ZMAT4: variants seen among roughly 807,000 people sequenced by gnomAD.
ZMAT4 encodes the protein zinc finger matrin-type protein 4.
ZMAT4 carries 17 observed loss-of-function variants against 28.7 expected under a neutral mutation model. The observed-to-expected ratio is 0.59, with a 90% confidence interval of 0.41 to 0.89. The LOEUF is 0.89. Among genes scored for constraint, ZMAT4 ranks in the 40% least tolerant of loss-of-function variants. ZMAT4 has a pLI of 0.00. For synonymous variants in ZMAT4, 117 were observed against 109.2 expected (o/e 1.07, Z -0.44); for missense variants, 240 against 283.8 (o/e 0.85, Z 1.11).
intron 5 of ZMAT4, among the ~76,000 whole-genome samples, chr8:40,661,198 T>G (rs149890003): frequency 0.017 from 2,525 of 152,274 alleles, 54 homozygotes; most frequent in African/African-American, 0.058. Context: ...CCTCCCAGGT[T>G]CAAGCGATTC....
intron 1 of ZMAT4, among the ~76,000 whole-genome samples, chr8:40,839,220 G>A (rs894952146): frequency 3.3e-5 from 5 of 152,318 alleles, no homozygotes; most frequent in Admixed American, 2.0e-4. Flanking sequence ...GTGCAGAGAT[G>A]CCTAAAAAGA....
rs559011047 is a variant in ZMAT4 at position 40,582,690 on chromosome 8, C to T, written c.578-1429G>A. 5.3e-4 allele frequency among the ~76,000 whole-genome samples: 80 copies of T among 152,306 alleles called. 1 individual carries two copies. Among genetic ancestry groups the T allele is most frequent in the South Asian group, 2.9e-3 (14 of 4,826 alleles). ...GCTGGGATAGCTTTGCAACTTGCTA[C>T]CTGGGTAACTTTATGCAAATTATTT... On this transcript the variant is annotated intron_variant, in intron 5 of 6. Transcript: ENST00000297737.
intron 1 of ZMAT4, among the ~76,000 whole-genome samples, chr8:40,889,036 C>T (rs1278076340): frequency 1.3e-5 from 2 of 152,184 alleles, no homozygotes; most frequent in Non-Finnish European, 2.9e-5. Flanking sequence ...CTAACAAAAC[C>T]ACTCACTGAC....
intron 5 of ZMAT4, among the ~76,000 whole-genome samples, chr8:40,601,998 G>A (rs1364739254): frequency 6.6e-6 from 1 of 152,152 alleles, no homozygotes; most frequent in African/African-American, 2.4e-5. Context: ...TACCCAATGT[G>A]TATTCTCCTT....
At chr8:40,842,641 C>T (rs1816742891) in intron 1 of ZMAT4, among the ~76,000 whole-genome samples, 2 of 152,136 alleles carry the variant, frequency 1.3e-5, no homozygotes, top group South Asian at 4.1e-4. Flanking sequence ...CATAGAAAGT[C>T]CATGAACAAC....
intron 1 of ZMAT4, among the ~76,000 whole-genome samples, chr8:40,855,792 C>A (rs1405168625): frequency 6.6e-6 from 1 of 152,060 alleles, no homozygotes; most frequent in South Asian, 2.1e-4. Context: ...CTTCTCACTT[C>A]AGCCTCCTGA....
intron 2 of ZMAT4, among the ~76,000 whole-genome samples, chr8:40,772,035 C>A (rs1813409399): frequency 6.6e-6 from 1 of 152,100 alleles, no homozygotes; most frequent in South Asian, 2.1e-4. Context: ...AAAAAAGAAC[C>A]ATTACATTAA....
At chr8:40,881,539 A>C (rs57728013) in intron 1 of ZMAT4, among the ~76,000 whole-genome samples, 1 of 38,588 alleles carries the variant, frequency 2.6e-5, no homozygotes, top group Non-Finnish European at 5.4e-5. Context: ...AGAAAGAAAG[A>C]AAGAAAGAAA....
intron 4 of ZMAT4, among the ~76,000 whole-genome samples, chr8:40,689,934 C>T (rs147526706): frequency 3.0e-4 from 45 of 152,096 alleles, no homozygotes; most frequent in East Asian, 2.9e-3. Flanking sequence ...AAGAGAAAAT[C>T]GAGTTTACGG....
chr8:40,702,176 T>A (rs1810177449), intron 3 of ZMAT4, among the ~76,000 whole-genome samples: 1 of 152,174 alleles, frequency 6.6e-6, no homozygotes, highest in African/African-American at 2.4e-5. Context: ...AACCATGAGC[T>A]GAATACATTT....
intron 1 of ZMAT4, among the ~76,000 whole-genome samples, chr8:40,831,935 TA>T (rs1816296177): frequency 6.6e-6 from 1 of 152,204 alleles, no homozygotes; most frequent in Non-Finnish European, 1.5e-5. Flanking sequence ...TCATCCGATT[TA>T]ATTCCCTCAA....
intron 5 of ZMAT4, among the ~76,000 whole-genome samples, chr8:40,607,799 C>T (rs1470785975): frequency 6.6e-6 from 1 of 152,086 alleles, no homozygotes. Context: ...TGTTATTTCT[C>T]TCCTAGATCT....
At chr8:40,681,465 A>G (rs959267004) in intron 4 of ZMAT4, among the ~76,000 whole-genome samples, 30 of 152,206 alleles carry the variant, frequency 2.0e-4, no homozygotes, top group African/African-American at 7.2e-4. Context: ...TACCAACAGT[A>G]AAGTTAGATT....
intron 5 of ZMAT4, among the ~76,000 whole-genome samples, chr8:40,668,718 TC>T (rs918841852): frequency 6.6e-5 from 10 of 151,850 alleles, no homozygotes; most frequent in African/African-American, 2.4e-4. Context: ...CTACCCACCT[TC>T]CCCACCAGCT....
intron 5 of ZMAT4, among the ~76,000 whole-genome samples, chr8:40,584,947 C>T (rs1222973652): frequency 1.3e-5 from 2 of 152,116 alleles, no homozygotes; most frequent in African/African-American, 2.4e-5. Flanking sequence ...AGTTACTTTC[C>T]GATTGCATCA....
intron 6 of ZMAT4, among the ~76,000 whole-genome samples, chr8:40,560,705 A>T (rs1585685121): frequency 6.6e-6 from 1 of 152,238 alleles, no homozygotes; most frequent in East Asian, 1.9e-4. Flanking sequence ...TGCCTGACAC[A>T]CTATTTCACA....
intron 1 of ZMAT4, among the ~76,000 whole-genome samples, chr8:40,863,442 G>A (rs1040685725): frequency 6.6e-6 from 1 of 152,212 alleles, no homozygotes; most frequent in African/African-American, 2.4e-5. Flanking sequence ...GGTAGCTAAA[G>A]GGAGAAGGAG....
rs571738370 is a variant in ZMAT4 at position 40,752,588 on chromosome 8, G to A, written c.192+15053C>T. 1.7e-4 allele frequency among the ~76,000 whole-genome samples: 26 copies of A among 152,264 alleles called. 1 individual carries two copies. The highest frequency in any genetic ancestry group is 5.9e-4 in the Admixed American group (9 of 15,306). ...CTTAAAGATCAGCATCCCTGTGACC[G>A]CGGGACGGGACAGCAACGTTCCAAT... On this transcript the variant is annotated intron_variant, in intron 3 of 6. Coordinates refer to ENST00000297737, the MANE Select transcript of ZMAT4 (RefSeq NM_024645.3).
Position 40,693,900 on chromosome 8 carries a change from C to T in ZMAT4, c.349+3345G>A, listed in dbSNP as rs532492576. On this transcript the variant is annotated intron_variant, in intron 4 of 6. Coordinates refer to ENST00000297737, the MANE Select transcript of ZMAT4 (RefSeq NM_024645.3). ...TTCACAGATCCCAACTGCTCACCCT[C>T]ATCAGACGAAGTAGCTGGCAGAAGC... is the stretch of plus-strand genomic sequence containing the variant. 9.2e-5 allele frequency among the ~76,000 whole-genome samples: 14 copies of T among 152,298 alleles called. No homozygotes were observed. In the East Asian group the frequency reaches 1.9e-3, roughly 21 times the overall value.
Sources: gnomAD v4.1 joint callset for allele counts (sites outside exome capture counted in the v4.1 genomes callset) on GRCh38, gnomAD v4.1.1 for gene constraint, MANE v1.5 for transcripts, NCBI Gene and HGNC (gene_info 2026-07-23, HGNC 2026-07-21) for gene names.